Variants in PTPRS observed in about 807,000 individuals in gnomAD.
PTPRS encodes protein tyrosine phosphatase receptor type S.
PTPRS carries 63 observed loss-of-function variants against 215.3 expected under a neutral mutation model. The observed-to-expected ratio is 0.29, with a 90% CI of 0.24 to 0.36. PTPRS has a LOEUF of 0.36. Ranked by LOEUF, PTPRS falls within the 10% of genes least tolerant of loss-of-function variation. The pLI, the probability that PTPRS is intolerant of heterozygous loss-of-function variation, is 1.00. For synonymous variants in PTPRS, 1,404 were observed against 1,191.4 expected (o/e 1.18, Z -3.68); for missense variants, 2,258 against 2,825.8 (o/e 0.80, Z 4.56).
At chr19:5,212,842 C>CAA (rs58760144) in intron 30 of PTPRS, among the ~76,000 whole-genome samples, 7,508 of 144,616 alleles carry the variant, frequency 0.052, 671 homozygotes, top group African/African-American at 0.18. Flanking sequence ...AACTCCATCT[C>CAA]AAAAAAAAAA....
chr19:5,307,096 A>C (rs2049522232), intron 1 of PTPRS, among the ~76,000 whole-genome samples: 1 of 152,166 alleles, frequency 6.6e-6, no homozygotes, highest in South Asian at 2.1e-4. Context: ...CCTGAGGTCA[A>C]GAATTCGAGA....
intron 28 of PTPRS, 67 bp from the exon 29 acceptor site, chr19:5,214,803 A>G (rs1312817370): frequency 6.7e-7 from 1 of 1,489,552 alleles, no homozygotes; most frequent in African/African-American, 1.4e-5. Flanking sequence ...TGTGTGGCCA[A>G]CCACTTCCTG....
At chr19:5,275,946 C>A (rs928933212) in intron 2 of PTPRS, among the ~76,000 whole-genome samples, 1 of 152,048 alleles carries the variant, frequency 6.6e-6, no homozygotes, top group African/African-American at 2.4e-5. Context: ...AAACTCCTAG[C>A]CTCGAGCAAT....
At chr19:5,333,325 T>TA (rs780928196) in intron 1 of PTPRS, among the ~76,000 whole-genome samples, 77 of 48,686 alleles carry the variant, frequency 1.6e-3, no homozygotes, top group Non-Finnish European at 2.6e-3. Flanking sequence ...AATAAATAAA[T>TA]AATAATAATA....
chr19:5,255,385 T>C, intron 9 of PTPRS, among the ~76,000 whole-genome samples: 1 of 152,132 alleles, frequency 6.6e-6, no homozygotes, highest in Non-Finnish European at 1.5e-5. Context: ...ACAGGAACAC[T>C]GGCTTTTAAA....
intron 5 of PTPRS, 80 bp from the exon 6 acceptor site, chr19:5,263,052 G>A (rs768501078): frequency 8.9e-5 from 62 of 697,916 alleles, no homozygotes; most frequent in Non-Finnish European, 1.3e-4. Flanking sequence ...TGTCCTCAGC[G>A]AGGAGGGGAG....
chr19:5,270,424 G>T (rs2094460822), intron 4 of PTPRS, among the ~76,000 whole-genome samples: 1 of 151,794 alleles, frequency 6.6e-6, no homozygotes, highest in African/African-American at 2.4e-5. Context: ...CTAAGTACTT[G>T]GGACTATAGG....
At chr19:5,226,007 T>C (rs2042459758) in intron 16 of PTPRS, among the ~76,000 whole-genome samples, 163 bp from the exon 17 acceptor site, 1 of 151,540 alleles carries the variant, frequency 6.6e-6, no homozygotes, top group African/African-American at 2.4e-5. Context: ...GGCATGGCCA[T>C]GCTCAGAGGG....
chr19:5,315,360 T>TG, intron 1 of PTPRS, among the ~76,000 whole-genome samples: 1 of 90,622 alleles, frequency 1.1e-5, no homozygotes, highest in East Asian at 2.6e-4. Flanking sequence ...GGTTTTTTTT[T>TG]TTTTTTTTTT....
At position 5,264,717 on chromosome 19, in the gene PTPRS, C is replaced by A. The variant is rs571631868; in HGVS notation, c.568+291G>T. ...CCGCCCATGGCCCTATATAACTCCCCATCCTTGTGCATGTCTGCATCCATT... is the reference window on the plus strand; with the variant it reads ...CCGCCCATGGCCCTATATAACTCCCAATCCTTGTGCATGTCTGCATCCATT... On this transcript the variant is annotated intron_variant, in intron 5 of 37. Transcript: ENST00000262963. Among the ~76,000 whole-genome samples, 3 of 152,322 alleles carry A rather than the reference C, an allele frequency of 2.0e-5. No individual in the cohort carries two copies. The East Asian group carries it at 5.8e-4, about 29-fold the overall frequency.
rs2049105142 is a variant in PTPRS, at chr19:5,295,374, T to C, written c.-94-9140A>G. Among the ~76,000 whole-genome samples, 1 of 152,208 alleles carries C rather than the reference T, an allele frequency of 6.6e-6. No homozygotes were observed. Among genetic ancestry groups the C allele is most frequent in the South Asian group, 2.1e-4 (1 of 4,830 alleles). ...TCTGGGCCTCTTGTCCATGTCTCTG[T>C]GGAGGCAGACTCTTGCCCCTATTCC... On this transcript the variant is annotated intron_variant, in intron 1 of 37. Coordinates refer to ENST00000262963, the MANE Select transcript of PTPRS (RefSeq NM_002850.4). This position sits in a 1 kb window ranked among gnomAD's most constrained non-coding sequence, Gnocchi z 4.6.
At position 5,218,511 on chromosome 19, in the gene PTPRS, G is replaced by T. The variant is rs1241082229; in HGVS notation, c.3957C>A (p.Pro1319=). 6.2e-7 allele frequency: 1 copy of T among 1,614,162 alleles called. No individual in the cohort carries two copies. ...CATTGTTCAGGAGGCATTTGGTGCG[G>T]GGTTCTGAGTCCTTGCGTTTACTTT... The part of the protein sequence containing the change: ...KPDSKRKDSE[P]RTKCLLNNAD... Residue 1319 remains proline, a synonymous_variant, in exon 25 of 38, where the codon CCC becomes CCA. Coordinates refer to ENST00000262963, the MANE Select transcript of PTPRS (RefSeq NM_002850.4).
chr19:5,279,563 G>T (rs2047678535), intron 2 of PTPRS, among the ~76,000 whole-genome samples: 1 of 151,994 alleles, frequency 6.6e-6, no homozygotes, highest in Non-Finnish European at 1.5e-5. Context: ...CAGAGACAGG[G>T]TCTCGCTATG....
Position 5,323,967 on chromosome 19 carries a change from T to G in PTPRS, c.-95+16697A>C, listed in dbSNP as rs139124464. ...AATGAAGGCCACGTGCAGTGGCTCA[T>G]GCCTGTAATACCAGCACTTTGGGAG... is the stretch of plus-strand genomic sequence containing the variant. On this transcript the variant is annotated intron_variant, in intron 1 of 37. Transcript: ENST00000262963. Among the ~76,000 whole-genome samples, 511 of 152,178 alleles carry G rather than the reference T, an allele frequency of 3.4e-3. 5 individuals are homozygous for G. The highest frequency in any genetic ancestry group is 0.012 in the African/African-American group (491 of 41,532).
intron 4 of PTPRS, among the ~76,000 whole-genome samples, chr19:5,271,208 T>C (rs1202498054): frequency 2.0e-5 from 3 of 152,136 alleles, no homozygotes; most frequent in Non-Finnish European, 4.4e-5. Flanking sequence ...TGGAACCCAC[T>C]CACCTGAGGG....
Position 5,238,957 on chromosome 19 carries a change from G to A in PTPRS, c.1811C>T (p.Ala604Val), listed in dbSNP as rs2043732716. The A allele has an allele frequency of 1.2e-6, 2 of 1,611,592 alleles. No homozygotes were observed. The highest frequency in any genetic ancestry group is 1.7e-6 in the Non-Finnish European group (2 of 1,179,082). ...LAARSPQGLG[A>V]FTPVVRQRTL... ...GCGCTGCCGCACCACGGGGGTGAAG[G>A]CGCCCAGGCCCTGCGGCGAGCGGGC... The change falls in exon 13 of 38, where the codon GCC becomes GTC. Residue 604 changes from alanine to valine, a missense_variant. Around this residue, in one of 6 missense-constraint regions of PTPRS, gnomAD observed 371 missense variants for 446.7 expected, o/e 0.83. Coordinates refer to ENST00000262963, the MANE Select transcript of PTPRS (RefSeq NM_002850.4).
At chr19:5,282,025 G>A (rs1344364547) in intron 2 of PTPRS, among the ~76,000 whole-genome samples, 2 of 152,056 alleles carry the variant, frequency 1.3e-5, no homozygotes, top group South Asian at 2.1e-4. Context: ...TGCCCCCACC[G>A]CAGCCTGGGC....
At chr19:5,323,506 CTGAGACGTGAAGGAAG>C (rs2050086690) in intron 1 of PTPRS, among the ~76,000 whole-genome samples, 1 of 152,214 alleles carries the variant, frequency 6.6e-6, no homozygotes, top group African/African-American at 2.4e-5. Context: ...TAAAAGTGAC[CTGAGACGTGAAGGAAG>C]TCAGGGAGGT....
intron 1 of PTPRS, among the ~76,000 whole-genome samples, chr19:5,327,727 A>C (rs1412896313): frequency 6.6e-6 from 1 of 152,114 alleles, no homozygotes; most frequent in African/African-American, 2.4e-5. Context: ...CAGCCTCCTG[A>C]GTAGCTGGGA....
Sources: allele counts gnomAD v4.1 joint callset (sites outside exome capture counted in the v4.1 genomes callset), GRCh38; gene constraint gnomAD v4.1.1; regional missense constraint gnomAD v4.1.1; non-coding constraint Gnocchi (gnomAD v3.1); transcripts MANE v1.5; gene names NCBI Gene and HGNC (gene_info 2026-07-23, HGNC 2026-07-21).